UNC13C: variants seen among roughly 807,000 people sequenced by gnomAD.
UNC13C encodes unc-13 homolog C, also known as protein unc-13 homolog C.
In UNC13C, 174 loss-of-function variants were observed where a neutral mutation model predicts 245.4. The ratio of observed to expected loss-of-function variants is 0.71; its 90% confidence interval spans 0.63 to 0.80. UNC13C has a LOEUF of 0.80. UNC13C is among the 30% of genes least tolerant of loss of function. The probability of loss-of-function intolerance (pLI) is 0.00; values close to 1 mark genes in which losing one functional copy is unlikely to be tolerated. For missense variants in UNC13C, 2,829 were observed against 2,602.9 expected (o/e 1.09, Z -1.89); for synonymous variants, 992 against 895.1 (o/e 1.11, Z -1.93).
At chr15:54,074,329 T>C (rs7176943) in intron 2 of UNC13C, among the ~76,000 whole-genome samples, 70,942 of 151,752 alleles carry the variant, frequency 0.47, 18,494 homozygotes, top group Non-Finnish European at 0.6. Flanking sequence ...CTAGCTTTGT[T>C]CTTTTTGTTT....
At chr15:54,274,466 T>C (rs62011989) in intron 10 of UNC13C, among the ~76,000 whole-genome samples, 3,793 of 152,222 alleles carry the variant, frequency 0.025, 82 homozygotes, top group East Asian at 0.074. Context: ...GTTATCATTT[T>C]ACAAATGAGA....
intron 30 of UNC13C, among the ~76,000 whole-genome samples, chr15:54,600,809 A>T (rs1205325186): frequency 6.6e-6 from 1 of 152,088 alleles, no homozygotes; most frequent in Non-Finnish European, 1.5e-5. Flanking sequence ...TCCATCATGG[A>T]CCAAGCACCA....
chr15:53,937,462 T>G, the UNC13C span, among the ~76,000 whole-genome samples: 1 of 152,124 alleles, frequency 6.6e-6, no homozygotes, highest in African/African-American at 2.4e-5. Flanking sequence ...AATCATACTT[T>G]AGGATTTCAT....
chr15:54,473,464 G>A (rs760775158), intron 19 of UNC13C, among the ~76,000 whole-genome samples: 2 of 151,634 alleles, frequency 1.3e-5, no homozygotes, highest in Admixed American at 1.3e-4. Context: ...TTCTTTCTTT[G>A]TAACTTTATG....
intron 4 of UNC13C, among the ~76,000 whole-genome samples, chr15:54,211,779 C>T (rs2034885918): frequency 6.6e-6 from 1 of 152,080 alleles, no homozygotes; most frequent in Admixed American, 6.6e-5. Flanking sequence ...GCTTAGTCTA[C>T]AGAAGAATCA....
chr15:54,174,430 C>A (rs2033534813), intron 4 of UNC13C, among the ~76,000 whole-genome samples: 1 of 152,082 alleles, frequency 6.6e-6, no homozygotes, highest in African/African-American at 2.4e-5. Flanking sequence ...TTTTTCATAG[C>A]AAATCTTGTT....
At chr15:54,029,908 T>C (rs1896284063) in intron 2 of UNC13C, among the ~76,000 whole-genome samples, 1 of 152,180 alleles carries the variant, frequency 6.6e-6, no homozygotes, top group African/African-American at 2.4e-5. Flanking sequence ...GCCTCAGTCT[T>C]CTCTGATATT....
At chr15:53,885,395 A>G in the UNC13C span, among the ~76,000 whole-genome samples, 914 of 152,330 alleles carry the variant, frequency 6.0e-3, 6 homozygotes, top group African/African-American at 0.021. Flanking sequence ...CCCTTATTCC[A>G]GAGGGGTTCT....
intron 1 of UNC13C, among the ~76,000 whole-genome samples, chr15:54,009,549 T>C (rs1895288108): frequency 6.9e-6 from 1 of 145,458 alleles, no homozygotes; most frequent in South Asian, 2.1e-4. Context: ...TTCTTCTTCT[T>C]CTTTTTTTTT....
chr15:54,134,420 C>CTG (rs3985789), intron 2 of UNC13C, among the ~76,000 whole-genome samples: 12,727 of 127,402 alleles, frequency 0.1, 591 homozygotes, highest in East Asian at 0.13. Context: ...AAATAATCAT[C>CTG]TGTGTGTGTG....
rs1365846685 is a variant in UNC13C at position 54,325,130 on chromosome 15, G to A, written c.4425+3035G>A. Among the ~76,000 whole-genome samples the A allele has an allele frequency of 2.0e-5, 3 of 151,898 alleles. 1 individual carries two copies. The highest frequency in any genetic ancestry group is 4.4e-5 in the Non-Finnish European group (3 of 67,966). On this transcript the variant is annotated intron_variant, in intron 14 of 32. Coordinates refer to ENST00000260323, the MANE Select transcript of UNC13C (RefSeq NM_001080534.3). Reference sequence around the variant, plus strand: ...TAAAGCTCAATTATTCCATAAATATGATACAGTCATTAAAAATCGAGTTTT... The same window carrying A: ...TAAAGCTCAATTATTCCATAAATATAATACAGTCATTAAAAATCGAGTTTT...
At chr15:54,220,760 G>T (rs1220845389) in intron 4 of UNC13C, among the ~76,000 whole-genome samples, 1 of 151,784 alleles carries the variant, frequency 6.6e-6, no homozygotes, top group African/African-American at 2.4e-5. Flanking sequence ...TTTAGTGGTG[G>T]CATTGCTAAA....
chr15:54,197,989 G>C (rs1193056906), intron 4 of UNC13C, among the ~76,000 whole-genome samples: 2 of 152,134 alleles, frequency 1.3e-5, no homozygotes, highest in Non-Finnish European at 2.9e-5. Context: ...GGTATGATGG[G>C]AGTGAGACAG....
At chr15:54,078,209 A>G (rs1360389825) in intron 2 of UNC13C, among the ~76,000 whole-genome samples, 1 of 152,224 alleles carries the variant, frequency 6.6e-6, no homozygotes, top group Non-Finnish European at 1.5e-5. Context: ...GTGTGTATAC[A>G]TATCATATTT....
At chr15:53,971,590 T>C in the UNC13C span, among the ~76,000 whole-genome samples, 2 of 152,334 alleles carry the variant, frequency 1.3e-5, no homozygotes, top group East Asian at 3.9e-4. Flanking sequence ...TTAAAGTCTC[T>C]ACTAGCTGTT....
chr15:54,054,159 G>T (rs141503661), intron 2 of UNC13C, among the ~76,000 whole-genome samples: 2 of 152,158 alleles, frequency 1.3e-5, no homozygotes, highest in Non-Finnish European at 2.9e-5. Flanking sequence ...GATTGCTGGA[G>T]TATATCATAG....
At chr15:54,390,211 A>G (rs2039925186) in intron 17 of UNC13C, among the ~76,000 whole-genome samples, 2 of 152,198 alleles carry the variant, frequency 1.3e-5, no homozygotes, top group Admixed American at 6.5e-5. Context: ...TGTTATTTCA[A>G]TACTGTCTTT....
At chr15:54,237,530 C>T in intron 6 of UNC13C, 89 bp from the exon 7 acceptor site, 1 of 939,708 alleles carries the variant, frequency 1.1e-6, no homozygotes, top group South Asian at 1.4e-5. Context: ...CAGTGATAGC[C>T]CATATTCTTG....
At chr15:53,921,220 G>A in the UNC13C span, among the ~76,000 whole-genome samples, 1 of 152,092 alleles carries the variant, frequency 6.6e-6, no homozygotes, top group African/African-American at 2.4e-5. Flanking sequence ...TGGGAGAATT[G>A]AATCAATGTC....
Sources: gnomAD v4.1 joint callset for allele counts (sites outside exome capture counted in the v4.1 genomes callset) on GRCh38, gnomAD v4.1.1 for gene constraint, MANE v1.5 for transcripts, NCBI Gene and HGNC (gene_info 2026-07-23, HGNC 2026-07-21) for gene names.